Variants in RAD9B observed in about 807,000 individuals in gnomAD.
RAD9B encodes the protein RAD9 checkpoint clamp component B.
A neutral mutation model predicts 48.3 loss-of-function variants in RAD9B; 41 were observed. That is an observed-to-expected ratio of 0.85 (90% CI 0.66 to 1.10). The LOEUF is 1.10. Among genes scored for constraint, RAD9B ranks in the 50% least tolerant of loss-of-function variants. The pLI, the probability that RAD9B is intolerant of heterozygous loss-of-function variation, is 0.00. For synonymous variants in RAD9B, 160 were observed against 157.9 expected, an observed-to-expected ratio of 1.01 and a Z score of -0.10; for missense variants, 444 against 485.1, an observed-to-expected ratio of 0.92 and a Z score of 0.80.
intron 4 of RAD9B, among the ~76,000 whole-genome samples, chr12:110,509,643 T>C (rs544044640): frequency 6.6e-6 from 1 of 152,032 alleles, no homozygotes; most frequent in African/African-American, 2.4e-5. Flanking sequence ...TGTGTGCTTA[T>C]AAGAAAAAAG....
chr12:110,524,890 C>T (rs2063888149), intron 10 of RAD9B, among the ~76,000 whole-genome samples: 1 of 151,840 alleles, frequency 6.6e-6, no homozygotes, highest in African/African-American at 2.4e-5. Flanking sequence ...TATAACAGTA[C>T]AATGATCATT....
chr12:110,507,650 C>T (rs1002157901), intron 4 of RAD9B, among the ~76,000 whole-genome samples: 2 of 145,838 alleles, frequency 1.4e-5, no homozygotes, highest in African/African-American at 5.0e-5. Context: ...AACATATATA[C>T]ATATATATAT....
chr12:110,524,794 T>G (rs2135726436), intron 10 of RAD9B, among the ~76,000 whole-genome samples: 1 of 151,738 alleles, frequency 6.6e-6, no homozygotes, highest in East Asian at 2.0e-4. Context: ...ACTTCTGGCC[T>G]CAAGTGATCT....
chr12:110,528,452 G>A (rs1473416808), intron 10 of RAD9B, among the ~76,000 whole-genome samples: 4 of 152,180 alleles, frequency 2.6e-5, no homozygotes, highest in African/African-American at 4.8e-5. Flanking sequence ...CCGCAGTGCC[G>A]CCCACCATCT....
intron 10 of RAD9B, among the ~76,000 whole-genome samples, chr12:110,526,127 C>T (rs1362075175): frequency 3.3e-5 from 5 of 152,202 alleles, no homozygotes; most frequent in Non-Finnish European, 5.9e-5. Context: ...TGAGCCACCC[C>T]GCCTGGCCTG....
intron 1 of RAD9B, among the ~76,000 whole-genome samples, 171 bp from the exon 2 acceptor site, chr12:110,503,635 C>G (rs1232490003): frequency 1.3e-5 from 2 of 152,216 alleles, no homozygotes; most frequent in Non-Finnish European, 1.5e-5. Context: ...GACTATGTGT[C>G]TGGCATTTTG....
Position 110,530,693 on chromosome 12 carries a change from G to C in RAD9B, c.*40G>C. The stretch of plus-strand genomic sequence containing the variant: ...TGAGCTGGGCCCCAGCCCAGTGACT[G>C]GCTCATTTGCCCCTCAAGCACGAGT... On this transcript the variant is annotated 3_prime_UTR_variant, in exon 11 of 11. Coordinates refer to ENST00000409300, the MANE Select transcript of RAD9B (RefSeq NM_001286535.2). 1 of 1,610,616 alleles carries C rather than the reference G, an allele frequency of 6.2e-7. No homozygotes were observed. Among genetic ancestry groups the C allele is most frequent in the Non-Finnish European group, 8.5e-7 (1 of 1,178,104 alleles).
intron 6 of RAD9B, 65 bp from the exon 7 acceptor site, chr12:110,518,611 C>CT: frequency 1.6e-6 from 2 of 1,214,304 alleles, no homozygotes; most frequent in South Asian, 3.0e-5. Context: ...CAGAAAAATT[C>CT]TTTTTTCCTC....
At chr12:110,507,922 T>C (rs2063345720) in intron 4 of RAD9B, among the ~76,000 whole-genome samples, 1 of 152,046 alleles carries the variant, frequency 6.6e-6, no homozygotes, top group Non-Finnish European at 1.5e-5. Context: ...AGTGCTGGGA[T>C]TGCAGGTGTG....
At chr12:110,517,942 A>T (rs953102323) in intron 6 of RAD9B, among the ~76,000 whole-genome samples, 2 of 152,178 alleles carry the variant, frequency 1.3e-5, no homozygotes, top group Non-Finnish European at 2.9e-5. Context: ...TAATCCCAGT[A>T]CTTTGGGAGG....
chr12:110,513,613 G>A (rs2063525096), intron 5 of RAD9B, among the ~76,000 whole-genome samples: 1 of 151,334 alleles, frequency 6.6e-6, no homozygotes, highest in Non-Finnish European at 1.5e-5. Context: ...AGTGCATCCA[G>A]TTTTCAGTTC....
At position 110,531,707 on chromosome 12, in the gene RAD9B, T is replaced by C. The variant is rs780443955; in HGVS notation, c.*1054T>C. The C allele has an allele frequency of 1.1e-5, 16 of 1,435,978 alleles. No homozygotes were observed. Among genetic ancestry groups the C allele is most frequent in the Admixed American group, 2.0e-5 (1 of 50,598 alleles). The allele number at this position is 1,435,978 out of a possible 1,614,324, so 89.0% of individuals were successfully genotyped here. Reference sequence around the variant, plus strand: ...GGTGGAAGACAAATGTCTCTGTTCTTTGGCCCTTTAAGAGTTAGCTTTTTA... The same window carrying C: ...GGTGGAAGACAAATGTCTCTGTTCTCTGGCCCTTTAAGAGTTAGCTTTTTA... On this transcript the variant is annotated 3_prime_UTR_variant, in exon 11 of 11. Coordinates refer to ENST00000409300, the MANE Select transcript of RAD9B (RefSeq NM_001286535.2).
chr12:110,503,970 T>A, intron 2 of RAD9B, 94 bp downstream of exon 2: 1 of 682,840 alleles, frequency 1.5e-6, no homozygotes, highest in South Asian at 2.2e-5. Context: ...AATCCAGAAA[T>A]TGTAATTATC....
At chr12:110,522,432 C>T in intron 10 of RAD9B, 21 bp downstream of exon 10, 1 of 1,499,558 alleles carries the variant, frequency 6.7e-7, no homozygotes, top group East Asian at 2.3e-5. Context: ...TGAGATTCAA[C>T]CACATCTCAG....
chr12:110,505,884 C>CATT lies in RAD9B; in HGVS notation c.273+125_273+127dup, dbSNP rs1272851036. 4 of 802,342 alleles carry CATT rather than the reference C, an allele frequency of 5.0e-6. No individual in the cohort carries two copies. In the African/African-American group the frequency reaches 5.4e-5, roughly 11 times the overall value. 49.7% of individuals were successfully genotyped at this position (802,342 alleles called of 1,614,324 possible). A position where few individuals can be genotyped will look rare whatever the true frequency, so the allele number is the denominator to read the frequency against. The stretch of plus-strand genomic sequence containing the variant: ...AAATGGCATTCAGGACAAATCTGTT[C>CATT]ATTATTATTATTATTTTTGAGACAG... On this transcript the variant is annotated intron_variant, in intron 3 of 10. Coordinates refer to ENST00000409300, the MANE Select transcript of RAD9B (RefSeq NM_001286535.2).
Position 110,518,687 on chromosome 12 carries a change from G to A in RAD9B, c.607G>A (p.Ala203Thr). The change falls in exon 7 of 11, where the codon GCT becomes ACT. Residue 203 changes from alanine to threonine, a missense_variant. Physicochemically the swap from Ala to Thr is moderately conservative, Grantham distance 58 (BLOSUM62 0). Coordinates refer to ENST00000409300, the MANE Select transcript of RAD9B (RefSeq NM_001286535.2). ...ATAATATTAAACAGATTTGAGCAAT[G>A]CTGTACACAGTGAGATGTTTGTTGG... ...SNEESMDLSN[A>T]VHSEMFVGSD... 1 of 1,598,762 alleles carries A rather than the reference G, an allele frequency of 6.3e-7. No individual in the cohort carries two copies. The highest frequency in any genetic ancestry group is 8.6e-7 in the Non-Finnish European group (1 of 1,168,066).
rs750814665 is a variant in RAD9B, at chr12:110,522,190, GA to G, written c.911del (p.Lys304ArgfsTer6). The G allele has an allele frequency of 3.8e-6, 6 of 1,583,744 alleles. No individual in the cohort carries two copies. In the Admixed American group the frequency reaches 5.5e-5, roughly 15 times the overall value. On this transcript the variant is annotated frameshift_variant, in exon 10 of 11. Coordinates refer to ENST00000409300, the MANE Select transcript of RAD9B (RefSeq NM_001286535.2). LOFTEE classifies it high-confidence loss of function. ...TTAATACCTCAGGTCAGATCTGATT[GA>G]AAAAAAGGCTGGCAAAAATGTAACT... is the stretch of plus-strand genomic sequence containing the variant. Reference protein sequence around the residue: ...SQKRKRSDLIEKKAGKNVTGQ... With the variant: ...SQKRKRSDLIXKKAGKNVTGQ...
chr12:110,509,271 A>AT (rs2063388222), intron 4 of RAD9B, among the ~76,000 whole-genome samples: 1 of 150,292 alleles, frequency 6.7e-6, no homozygotes, highest in Non-Finnish European at 1.5e-5. Context: ...CCCGGCCCTA[A>AT]TTTTTTATAT....
chr12:110,517,792 A>AG (rs2063653713), intron 6 of RAD9B, among the ~76,000 whole-genome samples: 3 of 151,502 alleles, frequency 2.0e-5, no homozygotes, highest in African/African-American at 4.9e-5. Context: ...ACACACACAA[A>AG]TAATTATAAA....
Sources: allele counts gnomAD v4.1 joint callset (sites outside exome capture counted in the v4.1 genomes callset), GRCh38; gene constraint gnomAD v4.1.1; transcripts MANE v1.5; gene names NCBI Gene and HGNC (gene_info 2026-07-23, HGNC 2026-07-21).